HSD17B2: variants seen among roughly 807,000 people sequenced by gnomAD.
The protein encoded by HSD17B2 is 17-beta-hydroxysteroid dehydrogenase type 2.
In HSD17B2, 32 loss-of-function variants were observed where a neutral mutation model predicts 26.9. The observed-to-expected ratio is 1.19, with a 90% CI of 0.90 to 1.60. The LOEUF (loss-of-function observed/expected upper bound fraction) is 1.60. Among genes scored for constraint, HSD17B2 ranks in the 40% most tolerant of loss-of-function variants. HSD17B2 has a pLI of 0.00. For synonymous variants in HSD17B2, 246 were observed against 186.7 expected, an observed-to-expected ratio of 1.32 and a Z score of -2.59; for missense variants, 613 against 468.6, an observed-to-expected ratio of 1.31 and a Z score of -2.85.
chr16:82,044,083 A>G (rs532206615), intron 1 of HSD17B2, among the ~76,000 whole-genome samples: 2 of 152,284 alleles, frequency 1.3e-5, no homozygotes, highest in South Asian at 4.2e-4. Flanking sequence ...CAGAACGTTC[A>G]TCATTCTATT....
chr16:82,063,467 TC>T (rs1459324990), intron 1 of HSD17B2, among the ~76,000 whole-genome samples: 1 of 152,054 alleles, frequency 6.6e-6, no homozygotes, highest in Non-Finnish European at 1.5e-5. Flanking sequence ...TCGCACCCAT[TC>T]GCCTATGCCA....
chr16:82,038,841 T>C (rs367880005), intron 1 of HSD17B2, among the ~76,000 whole-genome samples: 3 of 152,276 alleles, frequency 2.0e-5, no homozygotes, highest in South Asian at 4.1e-4. Flanking sequence ...TTGATCACCC[T>C]GGGCGGACGT....
intron 1 of HSD17B2, among the ~76,000 whole-genome samples, chr16:82,063,772 G>A (rs1914507096): frequency 1.3e-5 from 2 of 152,190 alleles, no homozygotes; most frequent in African/African-American, 2.4e-5. Context: ...AGGAAGGTCT[G>A]TAAAGAGGAG....
intron 3 of HSD17B2, among the ~76,000 whole-genome samples, chr16:82,086,130 A>C (rs1268470621): frequency 6.6e-6 from 1 of 152,200 alleles, no homozygotes; most frequent in Non-Finnish European, 1.5e-5. Flanking sequence ...CTGGGTGTAT[A>C]TGTAAGAGAT....
intron 3 of HSD17B2, among the ~76,000 whole-genome samples, chr16:82,076,092 G>A (rs933144581): frequency 4.6e-5 from 7 of 152,072 alleles, no homozygotes; most frequent in African/African-American, 1.4e-4. Context: ...AAATCAATCA[G>A]TGTGATACAT....
At chr16:82,055,353 T>G (rs546303215) in intron 1 of HSD17B2, among the ~76,000 whole-genome samples, 2 of 152,202 alleles carry the variant, frequency 1.3e-5, no homozygotes, top group African/African-American at 4.8e-5. Flanking sequence ...CATTCCCACC[T>G]GACGCCAATA....
At chr16:82,057,629 A>T (rs567412940) in intron 1 of HSD17B2, among the ~76,000 whole-genome samples, 1 of 152,236 alleles carries the variant, frequency 6.6e-6, no homozygotes, top group Non-Finnish European at 1.5e-5. Flanking sequence ...AACATCTTCC[A>T]GGTCAACATC....
At chr16:82,090,630 T>C (rs767922717) in intron 3 of HSD17B2, among the ~76,000 whole-genome samples, 12 of 152,064 alleles carry the variant, frequency 7.9e-5, no homozygotes, top group Non-Finnish European at 1.6e-4. Context: ...TAAATTACAT[T>C]TTGCTTAGGA....
chr16:82,037,385 A>G (rs965794064), intron 1 of HSD17B2, among the ~76,000 whole-genome samples: 1 of 152,222 alleles, frequency 6.6e-6, no homozygotes, highest in South Asian at 2.1e-4. Context: ...TTGTTAGACC[A>G]CAACTCTTTA....
At chr16:82,050,105 C>T (rs1170668264) in intron 1 of HSD17B2, among the ~76,000 whole-genome samples, 8 of 152,256 alleles carry the variant, frequency 5.3e-5, no homozygotes, top group Non-Finnish European at 1.0e-4. Context: ...AAATGAACCA[C>T]AGCTCAAAAT....
At chr16:82,037,332 C>T (rs187301527) in intron 1 of HSD17B2, among the ~76,000 whole-genome samples, 2 of 152,184 alleles carry the variant, frequency 1.3e-5, no homozygotes, top group South Asian at 4.1e-4. Flanking sequence ...GACAAGGCCT[C>T]AAGACCTTTG....
At chr16:82,069,225 C>T (rs1914642240) in intron 2 of HSD17B2, among the ~76,000 whole-genome samples, 1 of 152,174 alleles carries the variant, frequency 6.6e-6, no homozygotes, top group South Asian at 2.1e-4. Flanking sequence ...CCACCCATGT[C>T]CCTGCAAAGG....
At chr16:82,090,302 G>GCT (rs1904647934) in intron 3 of HSD17B2, 1 of 40,068 alleles carries the variant, frequency 2.5e-5, no homozygotes, top group East Asian at 9.0e-4. Context: ...AAACTACATT[G>GCT]TTTTTTTTTT....
intron 1 of HSD17B2, among the ~76,000 whole-genome samples, chr16:82,049,781 A>G (rs1914050403): frequency 6.6e-6 from 1 of 152,268 alleles, no homozygotes; most frequent in African/African-American, 2.4e-5. Context: ...GAAGCAGCAG[A>G]GATGGAATTT....
intron 3 of HSD17B2, among the ~76,000 whole-genome samples, chr16:82,084,374 T>C (rs995550074): frequency 2.0e-5 from 3 of 152,104 alleles, no homozygotes; most frequent in Admixed American, 6.6e-5. Flanking sequence ...CCCATGATCT[T>C]TGGGGTGCAA....
chr16:82,085,583 A>G (rs1010208800), intron 3 of HSD17B2, among the ~76,000 whole-genome samples: 1 of 152,148 alleles, frequency 6.6e-6, no homozygotes. Flanking sequence ...GCATAAAAAA[A>G]AAAACCCTAA....
At chr16:82,069,565 T>C (rs1914650348) in intron 2 of HSD17B2, among the ~76,000 whole-genome samples, 1 of 152,160 alleles carries the variant, frequency 6.6e-6, no homozygotes, top group African/African-American at 2.4e-5. Flanking sequence ...TTTCCACTTC[T>C]CCTGGATGAA....
rs56169712 is a variant in HSD17B2 at position 82,039,248 on chromosome 16, T to TACACAC, written c.265+3578_265+3583dup. ...TTTCTCCTCTGTAAATGGAAAATAA[T>TACACAC]ACACACACACACACACACACACACG... On this transcript the variant is annotated intron_variant, in intron 1 of 4. Transcript: ENST00000199936. Among the ~76,000 whole-genome samples, 462 of 145,386 alleles carry TACACAC rather than the reference T, an allele frequency of 3.2e-3. 1 individual carries two copies. Among genetic ancestry groups the TACACAC allele is most frequent in the Middle Eastern group, 0.011 (3 of 278 alleles).
chr16:82,061,494 C>A (rs1914437329), intron 1 of HSD17B2, among the ~76,000 whole-genome samples: 1 of 152,154 alleles, frequency 6.6e-6, no homozygotes, highest in Non-Finnish European at 1.5e-5. Context: ...ACCCAGGTCT[C>A]CCAGCTCCAG....
Sources: allele counts gnomAD v4.1 joint callset (sites outside exome capture counted in the v4.1 genomes callset), GRCh38; gene constraint gnomAD v4.1.1; transcripts MANE v1.5; gene names NCBI Gene and HGNC (gene_info 2026-07-23, HGNC 2026-07-21).